Variants in CADPS observed in about 807,000 individuals in gnomAD.
CADPS encodes calcium-dependent secretion activator 1.
In CADPS, 57 loss-of-function variants were observed where a neutral mutation model predicts 167.3. That is an observed-to-expected ratio of 0.34 (90% CI 0.28 to 0.42). The LOEUF is 0.42. Among genes scored for constraint, CADPS ranks in the 20% least tolerant of loss-of-function variants. CADPS has a pLI of 1.00. For synonymous variants in CADPS, 676 were observed against 635.3 expected, an observed-to-expected ratio of 1.06 and a Z score of -0.96; for missense variants, 1,414 against 1,738.1, an observed-to-expected ratio of 0.81 and a Z score of 3.32.
intron 21 of CADPS, 143 bp from the exon 22 acceptor site, chr3:62,482,012 G>A: frequency 5.2e-6 from 4 of 772,694 alleles, no homozygotes; most frequent in Middle Eastern, 2.9e-4. Context: ...TCAGAAAGCA[G>A]CTTACAGATG....
Position 62,807,850 on chromosome 3 carries a change from C to T in CADPS, c.442-41866G>A, listed in dbSNP as rs142271273. ...ATTTCCCATCAATTTTTAGGTACTA[C>T]CAACTTGGTATTTCTTTTTTCTTTC... On this transcript the variant is annotated intron_variant, in intron 1 of 29. Coordinates refer to ENST00000383710, the MANE Select transcript of CADPS (RefSeq NM_003716.4). 1.3e-4 allele frequency among the ~76,000 whole-genome samples: 20 copies of T among 151,364 alleles called. No homozygotes were observed. In the East Asian group the frequency reaches 3.9e-3, roughly 29 times the overall value.
chr3:62,803,239 G>A (rs190758776), intron 1 of CADPS, among the ~76,000 whole-genome samples: 5 of 152,086 alleles, frequency 3.3e-5, no homozygotes, highest in East Asian at 1.9e-4. Flanking sequence ...GATCTGAGAC[G>A]AATGATCCTT....
intron 12 of CADPS, among the ~76,000 whole-genome samples, chr3:62,535,409 T>C (rs2074487011): frequency 2.0e-5 from 3 of 151,784 alleles, no homozygotes; most frequent in South Asian, 2.1e-4. Flanking sequence ...TTATCTACAA[T>C]TTTTTATATC....
chr3:62,827,731 T>C (rs572248495), intron 1 of CADPS, among the ~76,000 whole-genome samples: 1 of 152,266 alleles, frequency 6.6e-6, no homozygotes, highest in South Asian at 2.1e-4. Flanking sequence ...AACAACCATC[T>C]TGTTACAGAT....
At chr3:62,684,784 G>A (rs1319556425) in intron 3 of CADPS, among the ~76,000 whole-genome samples, 2 of 151,978 alleles carry the variant, frequency 1.3e-5, no homozygotes, top group African/African-American at 2.4e-5. Context: ...CCTGGTCAGA[G>A]TAATGGAATT....
intron 1 of CADPS, among the ~76,000 whole-genome samples, chr3:62,771,116 G>T (rs193154133): frequency 3.7e-4 from 57 of 152,180 alleles, no homozygotes; most frequent in Admixed American, 1.6e-3. Flanking sequence ...ACAAGTACAA[G>T]GACCATATCT....
chr3:62,551,473 T>C (rs780942613), intron 10 of CADPS, among the ~76,000 whole-genome samples: 4 of 152,174 alleles, frequency 2.6e-5, no homozygotes, highest in Admixed American at 6.5e-5. Flanking sequence ...TCTGCCTCCA[T>C]CCTCATTCTC....
intron 3 of CADPS, among the ~76,000 whole-genome samples, chr3:62,679,032 C>G (rs898156424): frequency 6.6e-6 from 1 of 152,080 alleles, no homozygotes; most frequent in South Asian, 2.1e-4. Flanking sequence ...TTCTTTACCC[C>G]ACCTGTGGTG....
At position 62,400,669 on chromosome 3, in the gene CADPS, G is replaced by A. The variant is rs1225453532; in HGVS notation, c.3883-1084C>T. 3.5e-5 allele frequency among the ~76,000 whole-genome samples: 5 copies of A among 141,728 alleles called. No homozygotes were observed. The East Asian group carries it at 1.0e-3, about 29-fold the overall frequency. The allele number at this position is 141,728 out of a possible 152,430, so 93.0% of individuals were successfully genotyped here. A position where few individuals can be genotyped will look rare whatever the true frequency, so the allele number is the denominator to read the frequency against. ...GGCTGGAGTGCAGCAGATCGATCTC[G>A]GCTCACTGCAACCTCCACCCCCTGG... On this transcript the variant is annotated intron_variant, in intron 29 of 29. Transcript: ENST00000383710.
At chr3:62,464,779 T>A (rs575936347) in intron 26 of CADPS, among the ~76,000 whole-genome samples, 2 of 151,480 alleles carry the variant, frequency 1.3e-5, no homozygotes, top group East Asian at 3.9e-4. Context: ...CAGGAGGGGG[T>A]TACAGCAAAC....
In CADPS at chr3:62,765,855, G is replaced by C. The variant is rs2086713723; in HGVS notation, c.555+16C>G. 6.4e-7 allele frequency: 1 copy of C among 1,555,108 alleles called. No individual in the cohort carries two copies. The highest frequency in any genetic ancestry group is 1.4e-5 in the African/African-American group (1 of 73,742). On this transcript the variant is annotated intron_variant, in intron 2 of 29. Transcript: ENST00000383710. The stretch of plus-strand genomic sequence containing the variant: ...GCTTGAGTGGTCTTGGCATTCTTCT[G>C]AACAGTGATTCTCACCTCATAGTAA...
chr3:62,406,064 A>G (rs1303462140), intron 28 of CADPS, among the ~76,000 whole-genome samples: 1 of 152,238 alleles, frequency 6.6e-6, no homozygotes, highest in African/African-American at 2.4e-5. Context: ...CAAGATAGCC[A>G]CAGCATTGAA....
intron 3 of CADPS, among the ~76,000 whole-genome samples, chr3:62,707,565 T>G (rs1405234641): frequency 6.6e-6 from 1 of 152,078 alleles, no homozygotes; most frequent in East Asian, 1.9e-4. Flanking sequence ...TTTCATAAAG[T>G]TGGGTGATAG....
chr3:62,460,127 G>A (rs1172842067), intron 26 of CADPS, among the ~76,000 whole-genome samples: 1 of 152,134 alleles, frequency 6.6e-6, no homozygotes, highest in Admixed American at 6.5e-5. Context: ...ATGCGACTTT[G>A]ACAAATCACT....
intron 21 of CADPS, 132 bp from the exon 22 acceptor site, chr3:62,482,001 T>G: frequency 1.2e-6 from 1 of 833,986 alleles, no homozygotes. Flanking sequence ...AGCGACACAC[T>G]TCAGAAAGCA....
At chr3:62,747,212 T>C (rs2081648256) in intron 3 of CADPS, among the ~76,000 whole-genome samples, 1 of 152,222 alleles carries the variant, frequency 6.6e-6, no homozygotes, top group Non-Finnish European at 1.5e-5. Context: ...CTACTTCCCA[T>C]CTCCAGATTT....
At chr3:62,815,577 C>T (rs2094575066) in intron 1 of CADPS, among the ~76,000 whole-genome samples, 1 of 152,010 alleles carries the variant, frequency 6.6e-6, no homozygotes, top group Admixed American at 6.6e-5. Context: ...ATACCACTTC[C>T]ATAAAAATAA....
intron 1 of CADPS, among the ~76,000 whole-genome samples, chr3:62,836,924 T>C (rs1171645813): frequency 1.3e-5 from 2 of 152,132 alleles, no homozygotes; most frequent in South Asian, 2.1e-4. Flanking sequence ...TTCTGGAATA[T>C]AGCTCCCTCA....
chr3:62,667,893 G>T (rs1014231116), intron 3 of CADPS, among the ~76,000 whole-genome samples: 1 of 152,064 alleles, frequency 6.6e-6, no homozygotes, highest in Non-Finnish European at 1.5e-5. Context: ...CTGACCTCTA[G>T]GGGGATGAAG....
Sources: allele counts gnomAD v4.1 joint callset (sites outside exome capture counted in the v4.1 genomes callset), GRCh38; gene constraint gnomAD v4.1.1; transcripts MANE v1.5; gene names NCBI Gene and HGNC (gene_info 2026-07-23, HGNC 2026-07-21).